Variants in ANKRD6 observed in about 807,000 individuals in gnomAD.
ANKRD6 encodes ankyrin repeat domain-containing protein 6.
ANKRD6 carries 56 observed loss-of-function variants against 82.3 expected under a neutral mutation model. The ratio of observed to expected loss-of-function variants is 0.68; its 90% CI spans 0.55 to 0.85. The LOEUF (loss-of-function observed/expected upper bound fraction) is 0.85, where lower values mean the gene tolerates loss of function less well. Ranked by LOEUF, ANKRD6 falls within the 40% of genes least tolerant of loss-of-function variation. ANKRD6 has a pLI of 0.00. For missense variants in ANKRD6, 852 were observed against 907.6 expected (o/e 0.94, Z 0.79); for synonymous variants, 347 against 352.1 (o/e 0.99, Z 0.16).
chr6:89,560,543 G>A (rs996009570), intron 1 of ANKRD6, among the ~76,000 whole-genome samples: 2 of 152,198 alleles, frequency 1.3e-5, no homozygotes, highest in Admixed American at 1.3e-4. Flanking sequence ...GTAGGTGCTG[G>A]CTGGGCACGG....
At chr6:89,469,113 ATG>A (rs1171197266) in intron 1 of ANKRD6, among the ~76,000 whole-genome samples, 1 of 152,226 alleles carries the variant, frequency 6.6e-6, no homozygotes, top group East Asian at 1.9e-4. Flanking sequence ...GTTTATAAAA[ATG>A]TGGTAGTTGA....
At chr6:89,561,833 A>G (rs1048962791) in intron 1 of ANKRD6, among the ~76,000 whole-genome samples, 1 of 152,124 alleles carries the variant, frequency 6.6e-6, no homozygotes, top group East Asian at 1.9e-4. Context: ...CCTCTTTGCA[A>G]TGCACCCACC....
intron 13 of ANKRD6, 92 bp from the exon 14 acceptor site, chr6:89,627,491 C>T: frequency 9.2e-7 from 1 of 1,092,734 alleles, no homozygotes; most frequent in Non-Finnish European, 1.4e-6. Flanking sequence ...GGGGCTCCTA[C>T]TTGGTTCCCC....
chr6:89,488,997 C>T lies in ANKRD6; in HGVS notation c.-144+55622C>T, dbSNP rs377638329. Among the ~76,000 whole-genome samples the T allele has an allele frequency of 5.3e-4, 81 of 152,160 alleles. 2 individuals are homozygous for T. The South Asian group carries it at 0.015, about 29-fold the overall frequency. ...GACCCACAAATGGGCCATGACCTCC[C>T]GTTTGAAAATCCAATTCCAGAGGTG... On this transcript the variant is annotated intron_variant, in intron 1 of 15. Transcript: ENST00000339746.
chr6:89,535,965 C>T (rs1410431586), intron 1 of ANKRD6, among the ~76,000 whole-genome samples: 3 of 152,310 alleles, frequency 2.0e-5, no homozygotes, highest in African/African-American at 4.8e-5. Context: ...TGTGGTGGCT[C>T]ATGTCTGTAA....
rs993663599 is a variant in ANKRD6 at position 89,615,382 on chromosome 6, G to A, written c.616-1177G>A. On this transcript the variant is annotated intron_variant, in intron 7 of 15. Coordinates refer to ENST00000339746, the MANE Select transcript of ANKRD6 (RefSeq NM_001242809.2). The stretch of plus-strand genomic sequence containing the variant: ...AGCCACTGACCTAATCAAGTAGCAC[G>A]GCCTCCCCAGTGGGGTGCTAGATCA... Among the ~76,000 whole-genome samples the A allele has an allele frequency of 6.6e-5, 10 of 152,176 alleles. No homozygotes were observed. The East Asian group carries it at 1.5e-3, about 23-fold the overall frequency.
intron 2 of ANKRD6, among the ~76,000 whole-genome samples, chr6:89,587,432 T>C (rs578094971): frequency 6.6e-6 from 1 of 152,252 alleles, no homozygotes; most frequent in East Asian, 1.9e-4. Flanking sequence ...GAGGTTGCAG[T>C]GAGCCAGGAT....
chr6:89,538,979 T>G (rs939257172), intron 1 of ANKRD6, among the ~76,000 whole-genome samples: 9 of 152,174 alleles, frequency 5.9e-5, no homozygotes, highest in Non-Finnish European at 1.0e-4. Context: ...GCGAACAATG[T>G]CTACATGTGA....
chr6:89,613,813 G>A lies in ANKRD6; in HGVS notation c.538G>A (p.Val180Ile), dbSNP rs372154960. Residue 180 changes from valine (V) to isoleucine (I), a missense_variant, in exon 7 of 16, where the codon GTT becomes ATT. Physicochemically the swap from Val to Ile is conservative, Grantham distance 29. Coordinates refer to ENST00000339746, the MANE Select transcript of ANKRD6 (RefSeq NM_001242809.2). Reference sequence around the variant, plus strand: ...GCAGGCAGGAGACACCTGTTTGCACGTTGCTGCGCGCTATAATCACTTGTC... The same window carrying A: ...GCAGGCAGGAGACACCTGTTTGCACATTGCTGCGCGCTATAATCACTTGTC... ...KNNAGDTCLH[V>I]AARYNHLSII... 52 of 1,613,914 alleles carry A rather than the reference G, an allele frequency of 3.2e-5. No individual in the cohort carries two copies. The highest frequency in any genetic ancestry group is 4.2e-5 in the Non-Finnish European group (50 of 1,179,898).
intron 1 of ANKRD6, chr6:89,483,558 C>G (rs574245599): frequency 6.6e-6 from 1 of 152,256 alleles, no homozygotes; most frequent in East Asian, 1.9e-4. Flanking sequence ...GGGAAGTCCC[C>G]GTAAGTATTC....
intron 1 of ANKRD6, among the ~76,000 whole-genome samples, chr6:89,511,636 T>G (rs1244028966): frequency 6.6e-6 from 1 of 152,212 alleles, no homozygotes; most frequent in Non-Finnish European, 1.5e-5. Context: ...TTGTAAGAGT[T>G]ACATAGAATA....
rs771678178 is a variant in ANKRD6 at position 89,616,630 on chromosome 6, C to T, written c.687C>T (p.Ala229=). 6.2e-6 allele frequency: 10 copies of T among 1,613,992 alleles called. No homozygotes were observed. The highest frequency in any genetic ancestry group is 2.2e-5 in the East Asian group (1 of 44,880). ...AGGTGGCCAAAATCTTACTGGAAGC[C>T]GGAGCAGATACGACCATTGTTAACA... ...HKKVAKILLE[A]GADTTIVNNA... is the part of the protein sequence containing the mutation. Residue 229 remains alanine, a synonymous_variant, in exon 8 of 16, where the codon GCC becomes GCT. Transcript: ENST00000339746.
chr6:89,483,205 G>A (rs2127812512), intron 1 of ANKRD6, among the ~76,000 whole-genome samples: 1 of 152,328 alleles, frequency 6.6e-6, no homozygotes, highest in South Asian at 2.1e-4. Flanking sequence ...CCGCCTGGTA[G>A]ATTGCTGATG....
intron 1 of ANKRD6, among the ~76,000 whole-genome samples, chr6:89,472,127 A>G (rs147614958): frequency 6.6e-6 from 1 of 152,128 alleles, no homozygotes; most frequent in East Asian, 1.9e-4. Flanking sequence ...TCATCTTCTT[A>G]GGGTGGTCTC....
At chr6:89,486,264 C>T (rs1777355847) in intron 1 of ANKRD6, among the ~76,000 whole-genome samples, 1 of 152,100 alleles carries the variant, frequency 6.6e-6, no homozygotes, top group South Asian at 2.1e-4. Context: ...TTGAGATTGG[C>T]ATTGCAGATC....
chr6:89,591,053 CTG>C (rs1025265260), intron 2 of ANKRD6, among the ~76,000 whole-genome samples: 5 of 152,144 alleles, frequency 3.3e-5, no homozygotes, highest in African/African-American at 1.2e-4. Flanking sequence ...TTGACGATAA[CTG>C]GGGTAGGACT....
chr6:89,492,401 G>C (rs1046603854), intron 1 of ANKRD6, among the ~76,000 whole-genome samples: 1 of 152,180 alleles, frequency 6.6e-6, no homozygotes, highest in Non-Finnish European at 1.5e-5. Context: ...TTAACACCGG[G>C]TGACCCAGCA....
intron 2 of ANKRD6, among the ~76,000 whole-genome samples, chr6:89,587,414 G>A (rs556584220): frequency 4.6e-4 from 70 of 152,228 alleles, no homozygotes; most frequent in African/African-American, 1.5e-3. Flanking sequence ...GCTTGAACCC[G>A]GGAGGTGGAG....
At chr6:89,542,603 G>A (rs765287034) in intron 1 of ANKRD6, among the ~76,000 whole-genome samples, 2 of 152,056 alleles carry the variant, frequency 1.3e-5, no homozygotes, top group Non-Finnish European at 2.9e-5. Context: ...CTTTTCTAGA[G>A]GTCTCTTGTC....
Sources: gnomAD v4.1 joint callset for allele counts (sites outside exome capture counted in the v4.1 genomes callset) on GRCh38, gnomAD v4.1.1 for gene constraint, MANE v1.5 for transcripts, NCBI Gene and HGNC (gene_info 2026-07-23, HGNC 2026-07-21) for gene names.